Variants in PLCB1 observed in about 807,000 individuals in gnomAD.
PLCB1 encodes the protein phospholipase C beta 1, also known as 1-phosphatidylinositol 4,5-bisphosphate phosphodiesterase beta-1.
Under a neutral mutation model 161.8 loss-of-function variants are expected in PLCB1, and 46 were observed. The ratio of observed to expected loss-of-function variants is 0.28; its 90% CI spans 0.22 to 0.36. The LOEUF (loss-of-function observed/expected upper bound fraction) is 0.36, where lower values mean the gene tolerates loss of function less well. PLCB1 is among the 10% of genes least tolerant of loss of function. The probability of loss-of-function intolerance (pLI) is 1.00; values close to 1 mark genes in which losing one functional copy is unlikely to be tolerated. For synonymous variants in PLCB1, 517 were observed against 503.7 expected (o/e 1.03, Z -0.35); for missense variants, 1,016 against 1,472.5 (o/e 0.69, Z 5.07).
intron 3 of PLCB1, among the ~76,000 whole-genome samples, chr20:8,554,441 C>G (rs973813775): frequency 5.9e-5 from 9 of 152,066 alleles, no homozygotes; most frequent in African/African-American, 2.2e-4. Flanking sequence ...AAATGAATTG[C>G]TAATGCATTC....
intron 27 of PLCB1, among the ~76,000 whole-genome samples, chr20:8,775,655 C>A (rs928276770): frequency 2.0e-5 from 3 of 152,156 alleles, no homozygotes; most frequent in African/African-American, 7.2e-5. Flanking sequence ...ATGAGTAGAT[C>A]AAAATCACAT....
chr20:8,522,361 T>C (rs1984384444), intron 3 of PLCB1, among the ~76,000 whole-genome samples: 1 of 152,190 alleles, frequency 6.6e-6, no homozygotes, highest in Admixed American at 6.5e-5. Context: ...TACACCCATT[T>C]TATCTATGAC....
At chr20:8,710,074 G>A (rs1043510091) in intron 12 of PLCB1, among the ~76,000 whole-genome samples, 1 of 152,158 alleles carries the variant, frequency 6.6e-6, no homozygotes, top group African/African-American at 2.4e-5. Context: ...ATAAAGAAAT[G>A]CCTGGGTAAG....
intron 2 of PLCB1, among the ~76,000 whole-genome samples, chr20:8,310,011 A>G (rs1245057209): frequency 9.2e-5 from 14 of 151,868 alleles, no homozygotes; most frequent in Admixed American, 9.2e-4. Context: ...TCTACTGTGT[A>G]ATCTTTAGTG....
At position 8,820,893 on chromosome 20, in the gene PLCB1, A is replaced by G. The variant is rs919911596; in HGVS notation, c.3423+30632A>G. ...CAAGTGGGAGGAAAATATATACAGT[A>G]TGATTCAATCCAATAAGTTTAAAAG... On this transcript the variant is annotated intron_variant, in intron 31 of 31. Coordinates refer to ENST00000338037, the MANE Select transcript of PLCB1 (RefSeq NM_015192.4). 2.0e-5 allele frequency among the ~76,000 whole-genome samples: 3 copies of G among 152,246 alleles called. No homozygotes were observed. The East Asian group carries it at 5.8e-4, about 29-fold the overall frequency.
rs1985313871 is a variant in PLCB1 at position 8,541,516 on chromosome 20, A to G, written c.247-86778A>G. ...ACAAACAGTGCACTGAATGACTGTGATGATTGAATAATTGACCAAGAAACC... is the reference window on the plus strand; with the variant it reads ...ACAAACAGTGCACTGAATGACTGTGGTGATTGAATAATTGACCAAGAAACC... On this transcript the variant is annotated intron_variant, in intron 3 of 31. Transcript: ENST00000338037. Among the ~76,000 whole-genome samples the G allele has an allele frequency of 3.4e-5, 5 of 149,206 alleles. No homozygotes were observed. In the South Asian group the frequency reaches 1.1e-3, roughly 32 times the overall value.
chr20:8,293,691 A>T, intron 2 of PLCB1, among the ~76,000 whole-genome samples: 1 of 152,094 alleles, frequency 6.6e-6, no homozygotes, highest in Non-Finnish European at 1.5e-5. Context: ...TAATATCATT[A>T]TGAAATTATT....
intron 31 of PLCB1, among the ~76,000 whole-genome samples, chr20:8,858,520 G>C (rs1477924255): frequency 6.6e-6 from 1 of 152,202 alleles, no homozygotes; most frequent in Non-Finnish European, 1.5e-5. Flanking sequence ...GGCTGCAGCA[G>C]TCCAAGTGAG....
At chr20:8,763,016 A>G (rs1051058405) in intron 25 of PLCB1, among the ~76,000 whole-genome samples, 3 of 152,192 alleles carry the variant, frequency 2.0e-5, no homozygotes, top group Admixed American at 6.5e-5. Flanking sequence ...CATATAAATG[A>G]TAATTCACTG....
chr20:8,447,483 T>C (rs1194863559), intron 3 of PLCB1, among the ~76,000 whole-genome samples: 1 of 152,196 alleles, frequency 6.6e-6, no homozygotes, highest in African/African-American at 2.4e-5. Flanking sequence ...GTAATTGGTC[T>C]GGAAACCACA....
chr20:8,605,603 G>A (rs958227871), intron 3 of PLCB1, among the ~76,000 whole-genome samples: 81 of 133,086 alleles, frequency 6.1e-4, no homozygotes, highest in Middle Eastern at 4.5e-3. Flanking sequence ...TTTATGTTTG[G>A]TGTTTTCTTT....
At chr20:8,526,925 CT>C (rs1984608561) in intron 3 of PLCB1, among the ~76,000 whole-genome samples, 1 of 142,484 alleles carries the variant, frequency 7.0e-6, no homozygotes, top group Non-Finnish European at 1.6e-5. Flanking sequence ...TTGCCTCCAG[CT>C]TTTAATAAAG....
intron 31 of PLCB1, among the ~76,000 whole-genome samples, chr20:8,796,698 T>C (rs1007440685): frequency 6.6e-6 from 1 of 152,244 alleles, no homozygotes; most frequent in Non-Finnish European, 1.5e-5. Flanking sequence ...CCTTATTTTC[T>C]TGAGTATAAA....
intron 2 of PLCB1, among the ~76,000 whole-genome samples, chr20:8,174,025 T>C (rs1216275783): frequency 1.3e-5 from 2 of 152,138 alleles, no homozygotes; most frequent in African/African-American, 2.4e-5. Context: ...ATTTCTAAGA[T>C]TTCTATCACT....
intron 2 of PLCB1, among the ~76,000 whole-genome samples, chr20:8,238,927 A>G (rs1435831462): frequency 6.6e-6 from 1 of 151,864 alleles, no homozygotes; most frequent in African/African-American, 2.4e-5. Flanking sequence ...ATGGAAGACT[A>G]TGGACTTAAG....
At chr20:8,453,689 G>A (rs1361464156) in intron 3 of PLCB1, among the ~76,000 whole-genome samples, 1 of 152,154 alleles carries the variant, frequency 6.6e-6, no homozygotes, top group African/African-American at 2.4e-5. Context: ...CAGAGTGAGA[G>A]TAGTGATATT....
intron 2 of PLCB1, among the ~76,000 whole-genome samples, chr20:8,283,366 A>G (rs1176659177): frequency 1.3e-5 from 2 of 152,004 alleles, no homozygotes; most frequent in East Asian, 3.8e-4. Flanking sequence ...CAAAACCTAA[A>G]GATACTGTTA....
chr20:8,405,318 G>T (rs1283164953), intron 3 of PLCB1, among the ~76,000 whole-genome samples: 3 of 152,078 alleles, frequency 2.0e-5, no homozygotes, highest in Admixed American at 2.0e-4. Flanking sequence ...CTTAAAATCA[G>T]CACTCTTCTG....
At chr20:8,564,878 C>G (rs1568510251) in intron 3 of PLCB1, among the ~76,000 whole-genome samples, 1 of 152,204 alleles carries the variant, frequency 6.6e-6, no homozygotes, top group Admixed American at 6.5e-5. Flanking sequence ...AACAATTTTA[C>G]ACTGTTGGTG....
Sources: gnomAD v4.1 joint callset for allele counts (sites outside exome capture counted in the v4.1 genomes callset) on GRCh38, gnomAD v4.1.1 for gene constraint, MANE v1.5 for transcripts, NCBI Gene and HGNC (gene_info 2026-07-23, HGNC 2026-07-21) for gene names.